The following STX18 variants were observed in gnomAD, a reference collection of about 807,000 sequenced individuals.
STX18 encodes syntaxin-18.
A neutral mutation model predicts 50.1 loss-of-function variants in STX18; 40 were observed. The ratio of observed to expected loss-of-function variants is 0.80; its 90% CI spans 0.62 to 1.04. The LOEUF is 1.04. Among genes scored for constraint, STX18 ranks in the 50% least tolerant of loss-of-function variants. The pLI, the probability that STX18 is intolerant of heterozygous loss-of-function variation, is 0.00. For synonymous variants in STX18, 158 were observed against 151.8 expected, an observed-to-expected ratio of 1.04 and a Z score of -0.30; for missense variants, 410 against 415.8, an observed-to-expected ratio of 0.99 and a Z score of 0.12.
At position 4,423,755 on chromosome 4, in the gene STX18, T is replaced by C. The variant is rs1173409098; in HGVS notation, c.762-168A>G. 10 of 654,248 alleles carry C rather than the reference T, an allele frequency of 1.5e-5. No homozygotes were observed. The Admixed American group carries it at 2.4e-4, about 16-fold the overall frequency. 40.5% of individuals were successfully genotyped at this position (654,248 alleles called of 1,614,324 possible). On this transcript the variant is annotated intron_variant, in intron 8 of 10. Transcript: ENST00000306200. Reference sequence around the variant, plus strand: ...ATGGGAGAGGAAGGCGAACTCTCCTTACTGGGTCACCTTCCCTGTCTTCTG... The same window carrying C: ...ATGGGAGAGGAAGGCGAACTCTCCTCACTGGGTCACCTTCCCTGTCTTCTG...
intron 1 of STX18, among the ~76,000 whole-genome samples, chr4:4,475,587 A>G (rs1728136582): frequency 6.6e-6 from 1 of 152,208 alleles, no homozygotes; most frequent in Non-Finnish European, 1.5e-5. Context: ...TCTGCAGAGA[A>G]TGATTTGACT....
At chr4:4,512,379 G>C (rs1368927869) in intron 1 of STX18, among the ~76,000 whole-genome samples, 1 of 151,992 alleles carries the variant, frequency 6.6e-6, no homozygotes, top group Non-Finnish European at 1.5e-5. Context: ...GGCCTGATTT[G>C]AGTCTGGTTG....
chr4:4,532,007 T>C (rs1309168687), intron 1 of STX18, among the ~76,000 whole-genome samples: 2 of 152,204 alleles, frequency 1.3e-5, no homozygotes, highest in Non-Finnish European at 2.9e-5. Context: ...CAATTATTTA[T>C]TACTATTTTT....
chr4:4,530,247 C>T (rs185730602), intron 1 of STX18, among the ~76,000 whole-genome samples: 1 of 152,074 alleles, frequency 6.6e-6, no homozygotes, highest in Non-Finnish European at 1.5e-5. Context: ...CAGAAAAAGC[C>T]ATGGTTAACA....
chr4:4,466,267 G>C (rs1217666868), intron 2 of STX18, among the ~76,000 whole-genome samples: 1 of 152,088 alleles, frequency 6.6e-6, no homozygotes, highest in African/African-American at 2.4e-5. Context: ...TGTGTGGATT[G>C]GAGTGAAGAG....
chr4:4,513,568 G>A (rs996261553), intron 1 of STX18, among the ~76,000 whole-genome samples: 1 of 152,050 alleles, frequency 6.6e-6, no homozygotes, highest in African/African-American at 2.4e-5. Context: ...CACATTCCCC[G>A]GTGAGCAACA....
chr4:4,459,484 A>G lies in STX18; in HGVS notation c.240T>C (p.His80=). ...TCATCCTCCCATATTCAGACATGGT[A>G]TGGCTAAAAAAAGACAGCAAAGGAA... is the stretch of plus-strand genomic sequence containing the variant. ...HRKDYINAYS[H]TMSEYGRMTD... Residue 80 remains histidine, a synonymous_variant, in exon 3 of 11, where the codon CAT becomes CAC. Transcript: ENST00000306200. 6.2e-7 allele frequency: 1 copy of G among 1,611,612 alleles called. No homozygotes were observed. The highest frequency in any genetic ancestry group is 8.5e-7 in the Non-Finnish European group (1 of 1,177,732).
intron 5 of STX18, among the ~76,000 whole-genome samples, chr4:4,450,550 C>T (rs573204520): frequency 6.6e-6 from 1 of 152,306 alleles, no homozygotes; most frequent in East Asian, 1.9e-4. Context: ...GCAATCCACC[C>T]ACCTTGGCCT....
At chr4:4,482,365 C>T (rs559340166) in intron 1 of STX18, among the ~76,000 whole-genome samples, 1 of 152,190 alleles carries the variant, frequency 6.6e-6, no homozygotes, top group Non-Finnish European at 1.5e-5. Context: ...GCCTCAAAAG[C>T]AATATGTCCC....
At chr4:4,457,614 T>C (rs1039085418) in intron 3 of STX18, 114 bp from the exon 4 acceptor site, 3 of 762,426 alleles carry the variant, frequency 3.9e-6, no homozygotes, top group Non-Finnish European at 6.5e-6. Context: ...AACACAGCTA[T>C]AAAACAAGTC....
At chr4:4,500,383 T>C (rs1729390351) in intron 1 of STX18, among the ~76,000 whole-genome samples, 1 of 152,244 alleles carries the variant, frequency 6.6e-6, no homozygotes, top group Non-Finnish European at 1.5e-5. Context: ...TGCAGATTTT[T>C]TTCTTGTTAC....
intron 7 of STX18, among the ~76,000 whole-genome samples, chr4:4,430,807 T>C (rs1725480791): frequency 6.6e-6 from 1 of 152,224 alleles, no homozygotes; most frequent in South Asian, 2.1e-4. Flanking sequence ...CAGGTGCTAC[T>C]GCATCCAGCG....
intron 1 of STX18, among the ~76,000 whole-genome samples, chr4:4,484,065 TG>T (rs1411263658): frequency 1.3e-5 from 2 of 152,128 alleles, no homozygotes; most frequent in East Asian, 3.9e-4. Context: ...GGTTTCACCA[TG>T]TTAGCCAGGA....
chr4:4,423,693 G>GTC, intron 8 of STX18, 106 bp from the exon 9 acceptor site: 2 of 914,410 alleles, frequency 2.2e-6, no homozygotes, highest in African/African-American at 8.7e-5. Flanking sequence ...AGGTGGGAGA[G>GTC]ACAGGGGGCA....
At chr4:4,507,297 G>C in intron 1 of STX18, 1 of 719,680 alleles carries the variant, frequency 1.4e-6, no homozygotes. Flanking sequence ...AGCTGGAAAA[G>C]AACTCGGACC....
chr4:4,478,705 G>C (rs575674361), intron 1 of STX18: 2 of 152,406 alleles, frequency 1.3e-5, no homozygotes, highest in African/African-American at 4.8e-5. Context: ...CATGCATCAT[G>C]TGGAGGGACT....
At chr4:4,538,102 GA>G (rs201329108) in intron 1 of STX18, among the ~76,000 whole-genome samples, 249 of 138,226 alleles carry the variant, frequency 1.8e-3, no homozygotes, top group Middle Eastern at 3.8e-3. Flanking sequence ...CCTTTTGAGT[GA>G]AAAAAAAAAA....
At chr4:4,510,394 A>G (rs901240014) in intron 1 of STX18, among the ~76,000 whole-genome samples, 1 of 152,254 alleles carries the variant, frequency 6.6e-6, no homozygotes, top group Non-Finnish European at 1.5e-5. Context: ...AACTGCAGGT[A>G]CCTGCTACAT....
intron 5 of STX18, chr4:4,453,491 A>T (rs1434156733): frequency 1.9e-5 from 3 of 159,164 alleles, no homozygotes; most frequent in Non-Finnish European, 4.0e-5. Context: ...TATGCACATG[A>T]TTTTTTTTAG....
Sources: allele counts gnomAD v4.1 joint callset (sites outside exome capture counted in the v4.1 genomes callset), GRCh38; gene constraint gnomAD v4.1.1; transcripts MANE v1.5; gene names NCBI Gene and HGNC (gene_info 2026-07-23, HGNC 2026-07-21).